Variants in PPFIA2 observed in about 807,000 individuals in gnomAD.
PPFIA2 encodes PPFI scaffold protein A2, also known as liprin-alpha-2.
PPFIA2 carries 46 observed loss-of-function variants against 175.5 expected under a neutral mutation model. The ratio of observed to expected loss-of-function variants is 0.26; its 90% CI spans 0.21 to 0.34. PPFIA2 has a LOEUF of 0.34. PPFIA2 is among the 10% of genes least tolerant of loss of function. The pLI, the probability that PPFIA2 is intolerant of heterozygous loss-of-function variation, is 1.00. For synonymous variants in PPFIA2, 568 were observed against 511.4 expected, an observed-to-expected ratio of 1.11 and a Z score of -1.49; for missense variants, 1,179 against 1,506.1, an observed-to-expected ratio of 0.78 and a Z score of 3.60.
rs141614472 is a variant in PPFIA2 at position 81,332,480 on chromosome 12, G to A, written c.2549-6610C>T. 2.6e-3 allele frequency among the ~76,000 whole-genome samples: 390 copies of A among 152,162 alleles called. 1 individual carries two copies. The highest frequency in any genetic ancestry group is 9.0e-3 in the African/African-American group (375 of 41,520). On this transcript the variant is annotated intron_variant, in intron 21 of 32. Coordinates refer to ENST00000549396, the MANE Select transcript of PPFIA2 (RefSeq NM_003625.5). ...GGAAGATTGCACTTAGATGATCCTA[G>A]TAGAATCAAACATATACAGGGAGAG...
At chr12:81,721,034 C>T (rs1025121789) in intron 3 of PPFIA2, among the ~76,000 whole-genome samples, 1 of 148,428 alleles carries the variant, frequency 6.7e-6, no homozygotes, top group Non-Finnish European at 1.5e-5. Flanking sequence ...CAGCAACAGG[C>T]AGGCAGGTGA....
At chr12:81,685,107 G>A (rs2074242640) in intron 3 of PPFIA2, among the ~76,000 whole-genome samples, 1 of 151,986 alleles carries the variant, frequency 6.6e-6, no homozygotes, top group Non-Finnish European at 1.5e-5. Flanking sequence ...TAGTGTGTTG[G>A]TTCACAGCAC....
At chr12:81,275,908 C>T (rs1005097511) in intron 28 of PPFIA2, among the ~76,000 whole-genome samples, 9 of 151,924 alleles carry the variant, frequency 5.9e-5, no homozygotes, top group African/African-American at 2.2e-4. Flanking sequence ...CCTCAGCCTC[C>T]CGAGTAGCTG....
In PPFIA2 at chr12:81,445,600, C is replaced by T. The variant is rs1407756606; in HGVS notation, c.526G>A (p.Ala176Thr). The part of the protein sequence containing the change: ...GVSSEVEVLK[A>T]LKSLFEHHKA... ...TGGTGCTCAAACAAAGATTTCAGTG[C>T]CTTGAGAACTTCAACTTCACTGGAT... Residue 176 changes from alanine to threonine, a missense_variant, in exon 6 of 33, where the codon GCA becomes ACA. Around this residue, in one of 10 missense-constraint regions of PPFIA2, gnomAD observed 49 missense variants for 108.9 expected, o/e 0.45. Transcript: ENST00000549396. 1 of 1,613,762 alleles carries T rather than the reference C, an allele frequency of 6.2e-7. No individual in the cohort carries two copies. The highest frequency in any genetic ancestry group is 8.5e-7 in the Non-Finnish European group (1 of 1,179,794).
rs540750131 is a variant in PPFIA2 at position 81,266,828 on chromosome 12, T to G, written c.3555+124A>C. 13 of 718,206 alleles carry G rather than the reference T, an allele frequency of 1.8e-5. No homozygotes were observed. In the African/African-American group the frequency reaches 2.2e-4, roughly 12 times the overall value. The allele number at this position is 718,206 out of a possible 1,614,324, so 44.5% of individuals were successfully genotyped here. ...TATTTAACAACAAACCTGGAGAAAA[T>G]TATTGATTCTAACCATAGAACAGTC... On this transcript the variant is annotated intron_variant, in intron 30 of 32. Coordinates refer to ENST00000549396, the MANE Select transcript of PPFIA2 (RefSeq NM_003625.5).
In PPFIA2 at chr12:81,344,384, CTTATA is replaced by C. The variant is rs1369674442; in HGVS notation, c.2262+275_2262+279del. 3.3e-5 allele frequency among the ~76,000 whole-genome samples: 5 copies of C among 149,498 alleles called. No individual in the cohort carries two copies. The Admixed American group carries it at 3.4e-4, about 10-fold the overall frequency. ...TATATTATATTAATAAATATAAATA[CTTATA>C]TTAAAATATAAAATTACACCATCCT... On this transcript the variant is annotated intron_variant, in intron 19 of 32. Coordinates refer to ENST00000549396, the MANE Select transcript of PPFIA2 (RefSeq NM_003625.5).
chr12:81,516,458 T>A (rs1300306700), intron 4 of PPFIA2, among the ~76,000 whole-genome samples: 1 of 152,174 alleles, frequency 6.6e-6, no homozygotes, highest in Non-Finnish European at 1.5e-5. Context: ...ACCCTAGTAC[T>A]TTAAAGTTTG....
chr12:81,645,173 GAGAT>G (rs1164958866), intron 4 of PPFIA2, among the ~76,000 whole-genome samples: 1 of 151,700 alleles, frequency 6.6e-6, no homozygotes, highest in Non-Finnish European at 1.5e-5. Context: ...TAAAGAAAGA[GAGAT>G]AAAGGGAAAG....
intron 3 of PPFIA2, among the ~76,000 whole-genome samples, chr12:81,695,858 C>A (rs1380314443): frequency 6.6e-6 from 1 of 152,144 alleles, no homozygotes; most frequent in Admixed American, 6.6e-5. Context: ...TTTGGCAATT[C>A]CCTGACCTCA....
chr12:81,608,570 T>G (rs1398799352), intron 4 of PPFIA2, among the ~76,000 whole-genome samples: 1 of 152,106 alleles, frequency 6.6e-6, no homozygotes, highest in Non-Finnish European at 1.5e-5. Context: ...GATTTTAAAA[T>G]TTGTGTGCAT....
chr12:81,587,456 T>C (rs2075449745), intron 4 of PPFIA2, among the ~76,000 whole-genome samples: 1 of 152,050 alleles, frequency 6.6e-6, no homozygotes, highest in Non-Finnish European at 1.5e-5. Context: ...AAACATCTTT[T>C]ATTTATAAAT....
intron 3 of PPFIA2, among the ~76,000 whole-genome samples, chr12:81,677,753 C>T (rs918143172): frequency 1.3e-5 from 2 of 151,740 alleles, no homozygotes; most frequent in East Asian, 2.0e-4. Flanking sequence ...AATAGGTAAC[C>T]ACAGAAGGTC....
chr12:81,441,047 A>G (rs1484534382), intron 6 of PPFIA2, among the ~76,000 whole-genome samples: 1 of 151,468 alleles, frequency 6.6e-6, no homozygotes, highest in African/African-American at 2.4e-5. Flanking sequence ...TATTCCTATG[A>G]GCTTTCATTT....
intron 4 of PPFIA2, among the ~76,000 whole-genome samples, chr12:81,636,237 C>G (rs1595853777): frequency 6.6e-6 from 1 of 150,730 alleles, no homozygotes; most frequent in African/African-American, 2.4e-5. Context: ...AAACGTAAAT[C>G]TGATTGTATC....
rs563542911 is a variant in PPFIA2, at chr12:81,419,122, G to A, written c.646-13219C>T. 1.4e-4 allele frequency among the ~76,000 whole-genome samples: 22 copies of A among 152,054 alleles called. No individual in the cohort carries two copies. The East Asian group carries it at 4.3e-3, about 29-fold the overall frequency. The stretch of plus-strand genomic sequence containing the variant: ...GAAAGCAGTTTATTCTTTGGTTACT[G>A]ATATGCCCTTGACATCCAAAACATT... On this transcript the variant is annotated intron_variant, in intron 7 of 32. Transcript: ENST00000549396.
intron 28 of PPFIA2, among the ~76,000 whole-genome samples, chr12:81,274,347 G>T: frequency 2.0e-5 from 3 of 152,182 alleles, no homozygotes; most frequent in African/African-American, 7.2e-5. Flanking sequence ...TATTTTGATA[G>T]TCTAAGACAT....
chr12:81,410,596 T>C (rs1447065370), intron 7 of PPFIA2, among the ~76,000 whole-genome samples: 1 of 152,094 alleles, frequency 6.6e-6, no homozygotes, highest in African/African-American at 2.4e-5. Context: ...CAAGTGTCTG[T>C]TGACATTTGC....
chr12:81,685,953 C>T (rs899961516), intron 3 of PPFIA2, among the ~76,000 whole-genome samples: 6 of 151,946 alleles, frequency 3.9e-5, no homozygotes, highest in African/African-American at 1.4e-4. Flanking sequence ...TCCACCATTT[C>T]AAGATGATGA....
At chr12:81,267,716 T>C (rs1042539978) in intron 29 of PPFIA2, among the ~76,000 whole-genome samples, 196 bp downstream of exon 29, 4 of 137,874 alleles carry the variant, frequency 2.9e-5, no homozygotes, top group African/African-American at 1.0e-4. Flanking sequence ...CCCTTTCTTG[T>C]TTAATTGTAT....
Sources: allele counts gnomAD v4.1 joint callset (sites outside exome capture counted in the v4.1 genomes callset), GRCh38; gene constraint gnomAD v4.1.1; regional missense constraint gnomAD v4.1.1; transcripts MANE v1.5; gene names NCBI Gene and HGNC (gene_info 2026-07-23, HGNC 2026-07-21).